STARD13: variants seen among roughly 807,000 people sequenced by gnomAD.
The protein encoded by STARD13 is StAR related lipid transfer domain containing 13, also known as stAR-related lipid transfer protein 13.
Under a neutral mutation model 106.4 loss-of-function variants are expected in STARD13, and 62 were observed. The ratio of observed to expected loss-of-function variants is 0.58; its 90% confidence interval spans 0.48 to 0.72. The LOEUF is 0.72. STARD13 is among the 30% of genes least tolerant of loss of function. STARD13 has a pLI of 0.00. For missense variants in STARD13, 1,387 were observed against 1,424.0 expected, an observed-to-expected ratio of 0.97 and a Z score of 0.42; for synonymous variants, 565 against 553.0, an observed-to-expected ratio of 1.02 and a Z score of -0.31.
At chr13:33,520,360 A>G in the STARD13 span, among the ~76,000 whole-genome samples, 12 of 152,084 alleles carry the variant, frequency 7.9e-5, no homozygotes, top group Admixed American at 2.6e-4. Flanking sequence ...TGTTCCTGAG[A>G]CAGATGCTGT....
the STARD13 span, among the ~76,000 whole-genome samples, chr13:33,454,108 G>A: frequency 2.6e-5 from 4 of 152,176 alleles, no homozygotes; most frequent in African/African-American, 9.7e-5. Flanking sequence ...TTGCTACAGG[G>A]TGCTTCTGCC....
At chr13:33,375,273 A>G in the STARD13 span, among the ~76,000 whole-genome samples, 1 of 152,178 alleles carries the variant, frequency 6.6e-6, no homozygotes, top group Non-Finnish European at 1.5e-5. Context: ...GAGAATGCAA[A>G]GGGAAGACTA....
the STARD13 span, among the ~76,000 whole-genome samples, chr13:33,623,203 A>G: frequency 6.6e-6 from 1 of 152,160 alleles, no homozygotes. Flanking sequence ...AAAGAATAAT[A>G]TTGCAGAAAC....
chr13:33,169,412 C>T (rs987021787), intron 1 of STARD13, among the ~76,000 whole-genome samples: 12 of 152,192 alleles, frequency 7.9e-5, no homozygotes, highest in South Asian at 2.1e-4. Flanking sequence ...CCATCTGTAA[C>T]GTGTGGAAAA....
chr13:33,373,717 T>C, the STARD13 span, among the ~76,000 whole-genome samples: 1 of 151,930 alleles, frequency 6.6e-6, no homozygotes, highest in Non-Finnish European at 1.5e-5. Flanking sequence ...TAGGGAAATA[T>C]GATTCAAAAC....
chr13:33,148,512 C>G (rs1008128745), intron 3 of STARD13, among the ~76,000 whole-genome samples: 1 of 152,146 alleles, frequency 6.6e-6, no homozygotes, highest in Admixed American at 6.6e-5. Flanking sequence ...GAATTGCAAA[C>G]TAAAACATCC....
the STARD13 span, among the ~76,000 whole-genome samples, chr13:33,464,192 C>A: frequency 2.0e-5 from 3 of 151,656 alleles, no homozygotes; most frequent in Non-Finnish European, 2.9e-5. Flanking sequence ...ATTGATGAAA[C>A]AAAACTAGTC....
intron 1 of STARD13, among the ~76,000 whole-genome samples, chr13:33,214,432 C>T (rs1407479058): frequency 1.3e-5 from 2 of 152,090 alleles, no homozygotes; most frequent in Non-Finnish European, 2.9e-5. Flanking sequence ...CATTTGCTAA[C>T]GTATTTGACT....
chr13:33,668,770 T>C, the STARD13 span, among the ~76,000 whole-genome samples: 1 of 152,194 alleles, frequency 6.6e-6, no homozygotes, highest in African/African-American at 2.4e-5. Context: ...TGGCTAGTCC[T>C]CATAATTGCA....
intron 1 of STARD13, among the ~76,000 whole-genome samples, chr13:33,256,222 G>C (rs963144740): frequency 2.6e-5 from 4 of 152,196 alleles, no homozygotes; most frequent in Non-Finnish European, 4.4e-5. Context: ...ATTTTTACAG[G>C]CATGGGAACT....
chr13:33,401,096 C>G, the STARD13 span, among the ~76,000 whole-genome samples: 1 of 152,150 alleles, frequency 6.6e-6, no homozygotes, highest in African/African-American at 2.4e-5. Flanking sequence ...TGGGACACCC[C>G]TCCAGCAAAG....
intron 7 of STARD13, among the ~76,000 whole-genome samples, chr13:33,121,335 G>A (rs896112239): frequency 6.6e-6 from 1 of 152,108 alleles, no homozygotes; most frequent in African/African-American, 2.4e-5. Context: ...GGGAGGCCGA[G>A]GTGGTTGGAT....
chr13:33,173,068 C>T (rs1884152480), intron 1 of STARD13, among the ~76,000 whole-genome samples: 1 of 152,142 alleles, frequency 6.6e-6, no homozygotes, highest in Non-Finnish European at 1.5e-5. Context: ...CACCCTGTTT[C>T]TAAAAGACTA....
At chr13:33,372,485 C>T in the STARD13 span, among the ~76,000 whole-genome samples, 3 of 151,424 alleles carry the variant, frequency 2.0e-5, no homozygotes, top group East Asian at 1.9e-4. Flanking sequence ...AAAGCAATCT[C>T]GTATGCCTTC....
intron 4 of STARD13, among the ~76,000 whole-genome samples, chr13:33,131,435 A>T (rs200624035): frequency 7.0e-6 from 1 of 143,278 alleles, no homozygotes; most frequent in South Asian, 2.2e-4. Context: ...GAATCATATG[A>T]TTTTTTTTTT....
At chr13:33,234,545 G>A (rs999589749) in intron 1 of STARD13, among the ~76,000 whole-genome samples, 6 of 152,298 alleles carry the variant, frequency 3.9e-5, no homozygotes, top group African/African-American at 1.2e-4. Flanking sequence ...CATGATTTTC[G>A]TGAAAATTAA....
chr13:33,271,535 A>G (rs1301372876), intron 1 of STARD13: 1 of 152,264 alleles, frequency 6.6e-6, no homozygotes. Context: ...AGAAGACTCC[A>G]TACTTTCTGT....
At chr13:33,535,583 T>C in the STARD13 span, among the ~76,000 whole-genome samples, 1 of 152,194 alleles carries the variant, frequency 6.6e-6, no homozygotes, top group Non-Finnish European at 1.5e-5. Flanking sequence ...ATAACTTAAT[T>C]ATATTAATTA....
chr13:33,162,916 A>C (rs1042149290), intron 3 of STARD13, among the ~76,000 whole-genome samples: 1 of 150,200 alleles, frequency 6.7e-6, no homozygotes, highest in African/African-American at 2.5e-5. Flanking sequence ...GAAACACCCC[A>C]CTCTCGGTAC....
Sources: allele counts gnomAD v4.1 joint callset (sites outside exome capture counted in the v4.1 genomes callset), GRCh38; gene constraint gnomAD v4.1.1; transcripts MANE v1.5; gene names NCBI Gene and HGNC (gene_info 2026-07-23, HGNC 2026-07-21).